SCHIP1: variants seen among roughly 807,000 people sequenced by gnomAD.
SCHIP1 encodes the protein schwannomin interacting protein 1.
Under a neutral mutation model 29.7 loss-of-function variants are expected in SCHIP1, and 8 were observed. That is an observed-to-expected ratio of 0.27 (90% CI 0.16 to 0.49). The LOEUF (loss-of-function observed/expected upper bound fraction) is 0.49. SCHIP1 is among the 20% of genes least tolerant of loss of function. The pLI is 0.99. For synonymous variants in SCHIP1, 76 were observed against 94.9 expected, an observed-to-expected ratio of 0.80 and a Z score of 1.16; for missense variants, 193 against 294.6, an observed-to-expected ratio of 0.66 and a Z score of 2.52.
chr3:159,625,036 A>C, the SCHIP1 span, among the ~76,000 whole-genome samples: 1 of 152,216 alleles, frequency 6.6e-6, no homozygotes, highest in Admixed American at 6.5e-5. Flanking sequence ...GAAAACAAGA[A>C]CATGAGAACA....
the SCHIP1 span, among the ~76,000 whole-genome samples, chr3:159,750,263 G>GTA: frequency 0.14 from 3,222 of 23,542 alleles, 59 homozygotes; most frequent in Non-Finnish European, 0.21. Context: ...ATGTGTGTGT[G>GTA]TATATATATA....
At chr3:159,468,778 T>TA in the SCHIP1 span, among the ~76,000 whole-genome samples, 141 of 64,306 alleles carry the variant, frequency 2.2e-3, 1 homozygote, top group African/African-American at 8.9e-3. Flanking sequence ...TATATATATA[T>TA]TTTTTTTAGA....
At chr3:159,753,182 T>C in the SCHIP1 span, among the ~76,000 whole-genome samples, 1 of 152,236 alleles carries the variant, frequency 6.6e-6, no homozygotes, top group African/African-American at 2.4e-5. Flanking sequence ...CAAGATCATG[T>C]CACCTAAAAC....
At chr3:159,775,918 C>A in the SCHIP1 span, among the ~76,000 whole-genome samples, 1 of 152,082 alleles carries the variant, frequency 6.6e-6, no homozygotes, top group East Asian at 1.9e-4. Flanking sequence ...GGTTAGAGTA[C>A]TAAAAAATAA....
chr3:159,592,476 A>G, the SCHIP1 span, among the ~76,000 whole-genome samples: 8 of 151,690 alleles, frequency 5.3e-5, no homozygotes, highest in East Asian at 3.9e-4. Flanking sequence ...TGTCCTTACA[A>G]TCTCTACCAT....
chr3:159,329,459 G>T, the SCHIP1 span, among the ~76,000 whole-genome samples: 2 of 152,236 alleles, frequency 1.3e-5, no homozygotes, highest in East Asian at 3.9e-4. Flanking sequence ...GGGGCCTATA[G>T]GTAACCACCC....
At position 159,877,998 on chromosome 3, in the gene SCHIP1, T is replaced by G. The variant is rs75302286; in HGVS notation, c.150-8209T>G. The stretch of plus-strand genomic sequence containing the variant: ...ATGTTCTCTTATAAGAAAATATGTT[T>G]CTTGCTGCCCACGGATCTCCCACCA... On this transcript the variant is annotated intron_variant, in intron 2 of 6. Coordinates refer to ENST00000445224, the Ensembl canonical transcript of SCHIP1. Among the ~76,000 whole-genome samples the G allele has an allele frequency of 0.012, 1,813 of 152,294 alleles. 94 individuals are homozygous for G. The South Asian group carries it at 0.17, about 15-fold the overall frequency.
the SCHIP1 span, among the ~76,000 whole-genome samples, chr3:159,399,296 C>G: frequency 6.6e-6 from 1 of 152,142 alleles, no homozygotes; most frequent in Non-Finnish European, 1.5e-5. Flanking sequence ...TCTACTTACT[C>G]TTTATTTCAT....
At chr3:159,312,642 C>T in the SCHIP1 span, among the ~76,000 whole-genome samples, 1 of 152,070 alleles carries the variant, frequency 6.6e-6, no homozygotes, top group Non-Finnish European at 1.5e-5. Flanking sequence ...ATTTTGGTCA[C>T]CAAGCACTCA....
At chr3:159,567,292 T>G in the SCHIP1 span, among the ~76,000 whole-genome samples, 2 of 152,236 alleles carry the variant, frequency 1.3e-5, no homozygotes, top group Non-Finnish European at 2.9e-5. Context: ...CTTGTCTACT[T>G]TGTTCCTACA....
the SCHIP1 span, among the ~76,000 whole-genome samples, chr3:159,708,547 G>A: frequency 1.3e-5 from 2 of 152,262 alleles, no homozygotes; most frequent in East Asian, 3.9e-4. Flanking sequence ...TTAAACCAGG[G>A]GCAGATGTTT....
At chr3:159,329,097 C>A in the SCHIP1 span, among the ~76,000 whole-genome samples, 3 of 152,034 alleles carry the variant, frequency 2.0e-5, no homozygotes, top group Non-Finnish European at 4.4e-5. Flanking sequence ...ATCTGTACCC[C>A]CGGGGAGCTT....
At chr3:159,374,585 A>T in the SCHIP1 span, among the ~76,000 whole-genome samples, 30,601 of 152,130 alleles carry the variant, frequency 0.2, 4,336 homozygotes, top group African/African-American at 0.4. Flanking sequence ...AAATCAATTC[A>T]TGCACCAAAA....
chr3:159,546,889 C>T, the SCHIP1 span, among the ~76,000 whole-genome samples: 27 of 151,760 alleles, frequency 1.8e-4, 1 homozygote, highest in South Asian at 5.6e-3. Flanking sequence ...CATACATGTG[C>T]ATGTGTCTTT....
the SCHIP1 span, among the ~76,000 whole-genome samples, chr3:159,360,389 A>G: frequency 2.5e-4 from 38 of 152,326 alleles, no homozygotes; most frequent in African/African-American, 8.7e-4. Context: ...AAATAGAACA[A>G]TTCTAATATC....
the SCHIP1 span, among the ~76,000 whole-genome samples, chr3:159,277,113 A>T: frequency 6.6e-6 from 1 of 152,090 alleles, no homozygotes; most frequent in Non-Finnish European, 1.5e-5. Flanking sequence ...ATGCTGTTTT[A>T]GTGCTCGATC....
At chr3:159,798,251 T>A in the SCHIP1 span, among the ~76,000 whole-genome samples, 1 of 152,200 alleles carries the variant, frequency 6.6e-6, no homozygotes, top group Non-Finnish European at 1.5e-5. Context: ...CTTAATCTTT[T>A]CTGTTTCTGC....
intron 1 of SCHIP1, among the ~76,000 whole-genome samples, chr3:159,844,446 T>C (rs1441894644): frequency 6.6e-6 from 1 of 152,250 alleles, no homozygotes; most frequent in African/African-American, 2.4e-5. Context: ...CATCTTCATA[T>C]ACTTTTCTTC....
chr3:159,607,638 C>G, the SCHIP1 span, among the ~76,000 whole-genome samples: 4 of 152,022 alleles, frequency 2.6e-5, no homozygotes, highest in Admixed American at 1.3e-4. Flanking sequence ...CAGAGGTTGT[C>G]AAGAGTCAGA....
Sources: gnomAD v4.1 joint callset for allele counts (sites outside exome capture counted in the v4.1 genomes callset) on GRCh38, gnomAD v4.1.1 for gene constraint, MANE v1.5 for transcripts, NCBI Gene and HGNC (gene_info 2026-07-23, HGNC 2026-07-21) for gene names.